The following MCUB variants were observed in gnomAD, a reference collection of about 807,000 sequenced individuals.
MCUB encodes the protein calcium uniporter regulatory subunit MCUb, mitochondrial.
Under a neutral mutation model 41.4 loss-of-function variants are expected in MCUB, and 46 were observed. The observed-to-expected ratio is 1.11, with a 90% CI of 0.88 to 1.42. MCUB has a LOEUF of 1.42. Among genes scored for constraint, MCUB ranks in the 40% most tolerant of loss-of-function variants. The probability of loss-of-function intolerance (pLI) is 0.00; values close to 1 mark genes in which losing one functional copy is unlikely to be tolerated. For synonymous variants in MCUB, 148 were observed against 148.2 expected, an observed-to-expected ratio of 1.00 and a Z score of 0.01; for missense variants, 403 against 404.9, an observed-to-expected ratio of 1.00 and a Z score of 0.04.
intron 4 of MCUB, among the ~76,000 whole-genome samples, chr4:109,673,146 G>A (rs974780197): frequency 7.9e-5 from 12 of 152,192 alleles, no homozygotes; most frequent in African/African-American, 2.7e-4. Flanking sequence ...AAATATGGAA[G>A]AGGAAATCCC....
Position 109,614,836 on chromosome 4 carries a change from C to A in MCUB, c.100-44175C>A, listed in dbSNP as rs529944319. ...TTTCCACAGTTGTACAAGTCCAAGT[C>A]TTTGTAACAAATCTTTATATAGTCA... On this transcript the variant is annotated intron_variant, in intron 1 of 7. Transcript: ENST00000394650. Among the ~76,000 whole-genome samples the A allele has an allele frequency of 6.6e-5, 10 of 152,150 alleles. No individual in the cohort carries two copies. In the South Asian group the frequency reaches 2.1e-3, roughly 32 times the overall value.
chr4:109,656,426 A>G (rs1739616158), intron 1 of MCUB, among the ~76,000 whole-genome samples: 1 of 136,698 alleles, frequency 7.3e-6, no homozygotes, highest in South Asian at 2.3e-4. Context: ...CCCAGGCTGA[A>G]GTGCAGTAGC....
In MCUB at chr4:109,664,355, A is replaced by G. The variant is rs887252421; in HGVS notation, c.412A>G (p.Ile138Val). 11 of 1,551,444 alleles carry G rather than the reference A, an allele frequency of 7.1e-6. No homozygotes were observed. Among genetic ancestry groups the G allele is most frequent in the Admixed American group, 1.7e-5 (1 of 59,878 alleles). Residue 138 changes from isoleucine (I) to valine (V), a missense_variant, in exon 4 of 8, where the codon ATT becomes GTT. Physicochemically the swap from Ile to Val is conservative, Grantham distance 29. Coordinates refer to ENST00000394650, the MANE Select transcript of MCUB (RefSeq NM_017918.5). ...GCTAATGAATGATTTTAAACTTGTC[A>G]TTAATAAAATAGCATATGATGTGCA... is the stretch of plus-strand genomic sequence containing the variant. ...ILLMNDFKLV[I>V]NKIAYDVQCP...
In MCUB at chr4:109,570,734, G is replaced by A. The variant is rs1023847376; in HGVS notation, c.99+10298G>A. ...GGACTAATTTAGATGTAGCAATACC[G>A]TATATGTATAGTGGGATGAGATAAG... is the stretch of plus-strand genomic sequence containing the variant. On this transcript the variant is annotated intron_variant, in intron 1 of 7. Transcript: ENST00000394650. Among the ~76,000 whole-genome samples, 3 of 152,318 alleles carry A rather than the reference G, an allele frequency of 2.0e-5. No homozygotes were observed. The South Asian group carries it at 6.2e-4, about 32-fold the overall frequency.
intron 1 of MCUB, among the ~76,000 whole-genome samples, chr4:109,606,351 A>G (rs1727870001): frequency 6.6e-6 from 1 of 151,898 alleles, no homozygotes; most frequent in East Asian, 1.9e-4. Context: ...TTTACATTCA[A>G]TGTTATTATT....
chr4:109,607,493 C>T (rs1481837001), intron 1 of MCUB, among the ~76,000 whole-genome samples: 1 of 152,236 alleles, frequency 6.6e-6, no homozygotes, highest in African/African-American at 2.4e-5. Context: ...GCTGGGATTA[C>T]AGGCGTGAGC....
Position 109,685,336 on chromosome 4 carries a change from A to C in MCUB, c.902A>C (p.Gln301Pro), listed in dbSNP as rs950332145. The C allele has an allele frequency of 1.3e-6, 2 of 1,571,004 alleles. No homozygotes were observed. Among genetic ancestry groups the C allele is most frequent in the Admixed American group, 3.3e-5 (2 of 59,898 alleles). The change falls in exon 7 of 8, where the codon CAA (glutamine) becomes CCA (proline). Residue 301 changes from glutamine (Q) to proline (P), a missense_variant. Physicochemically the swap from Gln to Pro is moderately conservative, Grantham distance 76 (BLOSUM62 -1). Coordinates refer to ENST00000394650, the MANE Select transcript of MCUB (RefSeq NM_017918.5). ...KSKQQHFDVQ[Q>P]YNKLKEDLAK... ...AAGCAACAGCACTTTGATGTGCAGC[A>C]ATACAACAAGTTAAAAGAAGACCTT...
At chr4:109,671,558 T>G (rs956617086) in intron 4 of MCUB, among the ~76,000 whole-genome samples, 7 of 152,182 alleles carry the variant, frequency 4.6e-5, no homozygotes, top group Admixed American at 1.3e-4. Context: ...TGGTTTTTAT[T>G]TCTAGCAATT....
intron 1 of MCUB, among the ~76,000 whole-genome samples, chr4:109,653,391 AAAAG>A (rs1394081035): frequency 1.3e-5 from 2 of 152,072 alleles, no homozygotes; most frequent in Non-Finnish European, 1.5e-5. Context: ...GAAAAAAAAA[AAAAG>A]AAAGAACTGC....
intron 1 of MCUB, chr4:109,648,789 G>A (rs1268859129): frequency 6.3e-6 from 2 of 318,170 alleles, no homozygotes; most frequent in East Asian, 8.5e-5. Flanking sequence ...AGATCATGAT[G>A]CACCACAGGA....
Position 109,642,224 on chromosome 4 carries a change from G to A in MCUB, c.100-16787G>A, listed in dbSNP as rs368044179. Among the ~76,000 whole-genome samples the A allele has an allele frequency of 5.9e-5, 9 of 152,256 alleles. No individual in the cohort carries two copies. In the East Asian group the frequency reaches 1.5e-3, roughly 26 times the overall value. On this transcript the variant is annotated intron_variant, in intron 1 of 7. Coordinates refer to ENST00000394650, the MANE Select transcript of MCUB (RefSeq NM_017918.5). ...AAGTCTGTTGCTTTTTCTTACCCGG[G>A]TTTCAGCTTCTGTCTTCAATCTTTT...
chr4:109,575,560 G>C (rs1291930317), intron 1 of MCUB, among the ~76,000 whole-genome samples: 1 of 152,172 alleles, frequency 6.6e-6, no homozygotes, highest in African/African-American at 2.4e-5. Flanking sequence ...TAGTGGGATT[G>C]TGCTGCCATT....
intron 5 of MCUB, among the ~76,000 whole-genome samples, chr4:109,683,816 A>C (rs1729770446): frequency 6.6e-6 from 1 of 152,196 alleles, no homozygotes; most frequent in Non-Finnish European, 1.5e-5. Context: ...CTAGAAGTAG[A>C]ATTGCTGAGT....
chr4:109,632,202 G>T (rs1728488574), intron 1 of MCUB, among the ~76,000 whole-genome samples: 1 of 151,990 alleles, frequency 6.6e-6, no homozygotes, highest in South Asian at 2.1e-4. Context: ...AAATATTTTA[G>T]GTTTTCTGAC....
chr4:109,603,438 C>G, intron 1 of MCUB, among the ~76,000 whole-genome samples: 1 of 152,220 alleles, frequency 6.6e-6, no homozygotes, highest in Non-Finnish European at 1.5e-5. Flanking sequence ...GTGATCTAGG[C>G]TCTCTACAAC....
chr4:109,572,052 A>G (rs1428510128), intron 1 of MCUB, among the ~76,000 whole-genome samples: 1 of 152,250 alleles, frequency 6.6e-6, no homozygotes, highest in East Asian at 1.9e-4. Flanking sequence ...CCAAGACACT[A>G]TTGAGCCTCA....
chr4:109,566,746 CT>C (rs1206862548), intron 1 of MCUB, among the ~76,000 whole-genome samples: 1 of 152,202 alleles, frequency 6.6e-6, no homozygotes, highest in African/African-American at 2.4e-5. Context: ...GACTGAATGA[CT>C]TCAGCTAAGT....
chr4:109,562,772 C>T (rs1379294736), intron 1 of MCUB, among the ~76,000 whole-genome samples: 1 of 152,186 alleles, frequency 6.6e-6, no homozygotes, highest in East Asian at 1.9e-4. Flanking sequence ...GTCTTTCACA[C>T]TTCTATGAGT....
At chr4:109,658,414 C>T (rs1431448232) in intron 1 of MCUB, among the ~76,000 whole-genome samples, 1 of 152,138 alleles carries the variant, frequency 6.6e-6, no homozygotes, top group Non-Finnish European at 1.5e-5. Flanking sequence ...TCTCCTGCCT[C>T]AGCCTCGCGA....
Sources: gnomAD v4.1 joint callset for allele counts (sites outside exome capture counted in the v4.1 genomes callset) on GRCh38, gnomAD v4.1.1 for gene constraint, MANE v1.5 for transcripts, NCBI Gene and HGNC (gene_info 2026-07-23, HGNC 2026-07-21) for gene names.